Variants in LARP1B observed in about 807,000 individuals in gnomAD.
LARP1B encodes La ribonucleoprotein 1B.
LARP1B carries 76 observed loss-of-function variants against 114.2 expected under a neutral mutation model. The observed-to-expected ratio is 0.67, with a 90% CI of 0.55 to 0.81. The LOEUF (loss-of-function observed/expected upper bound fraction) is 0.81. Among genes scored for constraint, LARP1B ranks in the 30% least tolerant of loss-of-function variants. LARP1B has a pLI of 0.00. For synonymous variants in LARP1B, 345 were observed against 348.0 expected, an observed-to-expected ratio of 0.99 and a Z score of 0.10; for missense variants, 1,014 against 1,075.8, an observed-to-expected ratio of 0.94 and a Z score of 0.80.
chr4:128,193,773 C>T (rs905521495), intron 15 of LARP1B, among the ~76,000 whole-genome samples: 1 of 151,808 alleles, frequency 6.6e-6, no homozygotes, highest in African/African-American at 2.4e-5. Context: ...CAAGCCACCA[C>T]GCCCAGCTAA....
chr4:128,156,831 A>T (rs1431660608), intron 11 of LARP1B, among the ~76,000 whole-genome samples: 1 of 151,030 alleles, frequency 6.6e-6, no homozygotes, highest in African/African-American at 2.4e-5. Context: ...TTTTTATACA[A>T]ACCTACCAAA....
intron 19 of LARP1B, among the ~76,000 whole-genome samples, chr4:128,209,484 C>CAAAAACA (rs751854114): frequency 2.6e-5 from 4 of 151,852 alleles, no homozygotes; most frequent in Non-Finnish European, 5.9e-5. Flanking sequence ...GACTCCGTCT[C>CAAAAACA]AAAAACAAAA....
In LARP1B at chr4:128,114,668, A is replaced by C; in HGVS notation, c.1087A>C (p.Ser363Arg). ...LQAMSRGLST[S>R]LPDLDSEPWI... ...AGCAATGTCTAGAGGTTTGTCTACC[A>C]GTTTGCCTGACTTGGACTCAGAACC... is the stretch of plus-strand genomic sequence containing the variant. Residue 363 changes from serine to arginine, a missense_variant, in exon 10 of 20, where the codon AGT becomes CGT. Transcript: ENST00000326639. 6.2e-7 allele frequency: 1 copy of C among 1,614,126 alleles called. No homozygotes were observed. Among genetic ancestry groups the C allele is most frequent in the Non-Finnish European group, 8.5e-7 (1 of 1,179,958 alleles).
intron 1 of LARP1B, among the ~76,000 whole-genome samples, chr4:128,073,320 G>T (rs1212899093): frequency 1.1e-4 from 17 of 148,430 alleles, no homozygotes; most frequent in African/African-American, 4.2e-4. Context: ...GGAGGCTGAG[G>T]CAGGAGAATG....
intron 1 of LARP1B, among the ~76,000 whole-genome samples, chr4:128,066,500 G>T: frequency 7.1e-6 from 1 of 141,322 alleles, no homozygotes. Context: ...TTTTTGAGAT[G>T]GAGTTTCATT....
chr4:128,114,657 G>A lies in LARP1B; in HGVS notation c.1076G>A (p.Gly359Asp). Reference sequence around the variant, plus strand: ...AGTATTCTTCAAGCAATGTCTAGAGGTTTGTCTACCAGTTTGCCTGACTTG... The same window carrying A: ...AGTATTCTTCAAGCAATGTCTAGAGATTTGTCTACCAGTTTGCCTGACTTG... ...ETSILQAMSR[G>D]LSTSLPDLDS... The change falls in exon 10 of 20, where the codon GGT (glycine) becomes GAT (aspartate). Residue 359 changes from glycine to aspartate, a missense_variant. By Grantham distance (94) the Gly-to-Asp change is moderately conservative. Transcript: ENST00000326639. The A allele has an allele frequency of 6.2e-7, 1 of 1,613,912 alleles. No homozygotes were observed. The highest frequency in any genetic ancestry group is 8.5e-7 in the Non-Finnish European group (1 of 1,179,852).
At chr4:128,213,826 C>T (rs111420600), downstream of LARP1B, among the ~76,000 whole-genome samples, 847 of 152,228 alleles carry the variant, frequency 5.6e-3, 9 homozygotes, top group African/African-American at 0.019. Context: ...GGAACAGCTC[C>T]GGTCTACAGC....
chr4:128,067,230 A>G (rs1370207851), intron 1 of LARP1B, among the ~76,000 whole-genome samples: 1 of 152,198 alleles, frequency 6.6e-6, no homozygotes, highest in Admixed American at 6.6e-5. Flanking sequence ...TGTATAATTT[A>G]TACTATATAA....
chr4:128,126,868 G>T (rs1428630185), intron 11 of LARP1B, among the ~76,000 whole-genome samples: 1 of 151,022 alleles, frequency 6.6e-6, no homozygotes. Flanking sequence ...AACGGAGAAG[G>T]TCTAAAATAT....
At chr4:128,194,749 C>T (rs1753531886) in intron 15 of LARP1B, among the ~76,000 whole-genome samples, 2 of 149,286 alleles carry the variant, frequency 1.3e-5, no homozygotes, top group Admixed American at 1.3e-4. Flanking sequence ...CACTGGTAAT[C>T]CCAACTACTT....
chr4:128,103,520 A>G lies in LARP1B; in HGVS notation c.814-3619A>G, dbSNP rs185195224. Among the ~76,000 whole-genome samples the G allele has an allele frequency of 3.9e-4, 59 of 150,152 alleles. 1 individual carries two copies. The highest frequency in any genetic ancestry group is 1.3e-3 in the African/African-American group (54 of 40,910). ...TAGTTTGTTTATGTAAGAGAATACT[A>G]TGATACCTTACTACATACAATGTTT... On this transcript the variant is annotated intron_variant, in intron 8 of 19. Transcript: ENST00000326639.
At position 128,210,148 on chromosome 4, in the gene LARP1B, C is replaced by T. The variant is rs1418777423; in HGVS notation, c.*95C>T. ...TCTTTGTCCTTGAAGTCAACATTTA[C>T]ATCAGTATTTATTTGGGGAAAATCT... On this transcript the variant is annotated 3_prime_UTR_variant, in exon 20 of 20. Coordinates refer to ENST00000326639, the MANE Select transcript of LARP1B (RefSeq NM_018078.4). 3.9e-5 allele frequency: 62 copies of T among 1,571,548 alleles called. No individual in the cohort carries two copies. The highest frequency in any genetic ancestry group is 5.1e-5 in the Non-Finnish European group (59 of 1,157,230).
At chr4:128,190,410 T>G (rs987519259) in intron 15 of LARP1B, among the ~76,000 whole-genome samples, 5 of 152,338 alleles carry the variant, frequency 3.3e-5, no homozygotes, top group Admixed American at 1.3e-4. Context: ...ATTATTTGCC[T>G]TGGGATACTC....
intron 10 of LARP1B, among the ~76,000 whole-genome samples, chr4:128,116,019 T>A (rs1176137033): frequency 6.6e-6 from 1 of 152,220 alleles, no homozygotes; most frequent in East Asian, 1.9e-4. Context: ...TTTATATAAG[T>A]GTTGGTGATT....
At chr4:128,127,245 C>T (rs7697870) in intron 11 of LARP1B, among the ~76,000 whole-genome samples, 53,610 of 144,940 alleles carry the variant, frequency 0.37, 10,348 homozygotes, top group Middle Eastern at 0.52. Flanking sequence ...ATCAGAGACA[C>T]AGAAAGGACT....
chr4:128,173,689 A>G (rs1744774617), intron 12 of LARP1B, among the ~76,000 whole-genome samples: 1 of 152,228 alleles, frequency 6.6e-6, no homozygotes, highest in South Asian at 2.1e-4. Context: ...CTCTGTATCA[A>G]CTTTCTTATT....
At chr4:128,152,983 T>TC in intron 11 of LARP1B, among the ~76,000 whole-genome samples, 1 of 139,706 alleles carries the variant, frequency 7.2e-6, no homozygotes, top group East Asian at 2.0e-4. Flanking sequence ...CTTTTTTTTT[T>TC]TTTTTTTTTT....
chr4:128,155,719 A>C, intron 11 of LARP1B: 1 of 1,607,890 alleles, frequency 6.2e-7, no homozygotes, highest in Non-Finnish European at 8.5e-7. Context: ...CCGCCGAGTA[A>C]GGCCCGAGCG....
downstream of LARP1B, chr4:128,222,830 G>T (rs1450341163): frequency 6.5e-6 from 1 of 153,518 alleles, no homozygotes; most frequent in Non-Finnish European, 1.4e-5. Flanking sequence ...AGAGCCCGCA[G>T]GGGAGGCAGG....
Sources: allele counts gnomAD v4.1 joint callset (sites outside exome capture counted in the v4.1 genomes callset), GRCh38; gene constraint gnomAD v4.1.1; transcripts MANE v1.5; gene names NCBI Gene and HGNC (gene_info 2026-07-23, HGNC 2026-07-21).